KCND2: variants seen among roughly 807,000 people sequenced by gnomAD.
KCND2 encodes the protein potassium voltage-gated channel subfamily D member 2.
A neutral mutation model predicts 54.4 loss-of-function variants in KCND2; 16 were observed. That is an observed-to-expected ratio of 0.29 (90% CI 0.20 to 0.45). The LOEUF is 0.45. Among genes scored for constraint, KCND2 ranks in the 20% least tolerant of loss-of-function variants. The pLI, the probability that KCND2 is intolerant of heterozygous loss-of-function variation, is 1.00. For missense variants in KCND2, 486 were observed against 824.2 expected, an observed-to-expected ratio of 0.59 and a Z score of 5.02; for synonymous variants, 317 against 310.7, an observed-to-expected ratio of 1.02 and a Z score of -0.21.
intron 1 of KCND2, among the ~76,000 whole-genome samples, chr7:120,585,536 A>C (rs1792586688): frequency 6.6e-6 from 1 of 152,164 alleles, no homozygotes; most frequent in African/African-American, 2.4e-5. Flanking sequence ...CATGGGTCTG[A>C]ATTCAGGTAG....
intron 1 of KCND2, among the ~76,000 whole-genome samples, chr7:120,457,172 C>T (rs1802212330): frequency 6.6e-6 from 1 of 152,168 alleles, no homozygotes; most frequent in African/African-American, 2.4e-5. Flanking sequence ...CCTTTTTTTC[C>T]TCCTAGGCCT....
chr7:120,512,911 C>T (rs1249521987), intron 1 of KCND2, among the ~76,000 whole-genome samples: 3 of 151,478 alleles, frequency 2.0e-5, no homozygotes, highest in African/African-American at 7.3e-5. Flanking sequence ...TCCTGTGCCT[C>T]GGCCTCCTTA....
At chr7:120,602,984 G>C (rs1405060662) in intron 1 of KCND2, among the ~76,000 whole-genome samples, 1 of 152,164 alleles carries the variant, frequency 6.6e-6, no homozygotes, top group African/African-American at 2.4e-5. Flanking sequence ...AGATGGAAAT[G>C]CTTTAATACA....
intron 1 of KCND2, among the ~76,000 whole-genome samples, chr7:120,309,464 T>TACAC (rs1402553948): frequency 1.7e-5 from 2 of 119,188 alleles, no homozygotes; most frequent in African/African-American, 3.2e-5. Flanking sequence ...TATATATATA[T>TACAC]ATATATATAT....
chr7:120,695,841 T>C (rs1316302150), intron 1 of KCND2, among the ~76,000 whole-genome samples: 3 of 152,122 alleles, frequency 2.0e-5, no homozygotes, highest in Non-Finnish European at 2.9e-5. Context: ...GGACACTGAG[T>C]AGTTTATAGA....
At chr7:120,535,017 G>T (rs747057988) in intron 1 of KCND2, among the ~76,000 whole-genome samples, 1 of 152,128 alleles carries the variant, frequency 6.6e-6, no homozygotes, top group African/African-American at 2.4e-5. Flanking sequence ...TTAAAGAGTT[G>T]TAACTGATAC....
At chr7:120,595,571 GTATATATATGTGTGTGTGTGTATATA>G (rs1562883243) in intron 1 of KCND2, among the ~76,000 whole-genome samples, 1 of 110,968 alleles carries the variant, frequency 9.0e-6, no homozygotes, top group Non-Finnish European at 1.8e-5. Flanking sequence ...ATATGTGTGT[GTATATATATGTGTGTGTGTGTATATA>G]TATATATATA....
intron 1 of KCND2, among the ~76,000 whole-genome samples, chr7:120,420,517 C>T (rs977738629): frequency 6.6e-6 from 1 of 152,140 alleles, no homozygotes; most frequent in African/African-American, 2.4e-5. Context: ...AGAAGTTCAG[C>T]TTGCTGGAGA....
chr7:120,309,242 C>G (rs1374934934), intron 1 of KCND2, among the ~76,000 whole-genome samples: 1 of 151,948 alleles, frequency 6.6e-6, no homozygotes, highest in Non-Finnish European at 1.5e-5. Context: ...TTCGCAGATT[C>G]TGGCAAAAGT....
chr7:120,701,240 T>TAAAAAAAAAAAAAAAA (rs34803439), intron 1 of KCND2, among the ~76,000 whole-genome samples: 6 of 55,098 alleles, frequency 1.1e-4, no homozygotes, highest in Admixed American at 2.5e-4. Flanking sequence ...AATGCCTAGC[T>TAAAAAAAAAAAAAAAA]AAAAAAAAAA....
At chr7:120,406,333 A>G (rs2116094355) in intron 1 of KCND2, among the ~76,000 whole-genome samples, 1 of 152,138 alleles carries the variant, frequency 6.6e-6, no homozygotes, top group East Asian at 1.9e-4. Context: ...GTAAACTCTC[A>G]ATCATATGAA....
At chr7:120,333,959 C>T (rs945944807) in intron 1 of KCND2, among the ~76,000 whole-genome samples, 65 of 152,072 alleles carry the variant, frequency 4.3e-4, no homozygotes, top group African/African-American at 1.5e-3. Flanking sequence ...TGTATATAAT[C>T]ATTTTGATTT....
chr7:120,369,833 T>C (rs565002884), intron 1 of KCND2, among the ~76,000 whole-genome samples: 2 of 152,154 alleles, frequency 1.3e-5, no homozygotes, highest in African/African-American at 2.4e-5. Flanking sequence ...TTGGAATCAA[T>C]GAACAAAAGA....
intron 1 of KCND2, among the ~76,000 whole-genome samples, chr7:120,366,048 G>C (rs1401123919): frequency 6.6e-6 from 1 of 152,094 alleles, no homozygotes; most frequent in Non-Finnish European, 1.5e-5. Flanking sequence ...TTATAGTAGA[G>C]ATGATTCCAG....
At chr7:120,468,600 T>C (rs923731078) in intron 1 of KCND2, among the ~76,000 whole-genome samples, 39 of 152,118 alleles carry the variant, frequency 2.6e-4, no homozygotes, top group African/African-American at 8.7e-4. Context: ...CTGTAGGCTA[T>C]TTTTAGAAAA....
At chr7:120,700,553 G>T (rs1792387442) in intron 1 of KCND2, among the ~76,000 whole-genome samples, 1 of 152,126 alleles carries the variant, frequency 6.6e-6, no homozygotes. Flanking sequence ...TACAACCCAT[G>T]ACATAAATAA....
intron 1 of KCND2, among the ~76,000 whole-genome samples, chr7:120,608,882 AAAAC>A (rs1792916394): frequency 6.6e-6 from 1 of 152,182 alleles, no homozygotes; most frequent in Admixed American, 6.6e-5. Flanking sequence ...TGTCTGCTTA[AAAAC>A]AAACAAACAA....
At chr7:120,582,224 T>C (rs1370014384) in intron 1 of KCND2, among the ~76,000 whole-genome samples, 1 of 152,138 alleles carries the variant, frequency 6.6e-6, no homozygotes, top group African/African-American at 2.4e-5. Flanking sequence ...TCGCTGTCCC[T>C]AAAAGATCCC....
At chr7:120,281,737 G>C (rs1038763086) in intron 1 of KCND2, among the ~76,000 whole-genome samples, 1 of 152,146 alleles carries the variant, frequency 6.6e-6, no homozygotes, top group Non-Finnish European at 1.5e-5. Flanking sequence ...TCAAATGTAG[G>C]AAAATATCTA....
Sources: gnomAD v4.1 joint callset for allele counts (sites outside exome capture counted in the v4.1 genomes callset) on GRCh38, gnomAD v4.1.1 for gene constraint, MANE v1.5 for transcripts, NCBI Gene and HGNC (gene_info 2026-07-23, HGNC 2026-07-21) for gene names.